The following USP10 variants were observed in gnomAD, a reference collection of about 807,000 sequenced individuals.
USP10 encodes the protein ubiquitin specific peptidase 10.
Under a neutral mutation model 84.5 loss-of-function variants are expected in USP10, and 22 were observed. That is an observed-to-expected ratio of 0.26 (90% CI 0.19 to 0.37). The LOEUF (loss-of-function observed/expected upper bound fraction) is 0.37. Among genes scored for constraint, USP10 ranks in the 10% least tolerant of loss-of-function variants. The pLI is 1.00. For synonymous variants in USP10, 454 were observed against 387.6 expected, an observed-to-expected ratio of 1.17 and a Z score of -2.01; for missense variants, 1,019 against 998.9, an observed-to-expected ratio of 1.02 and a Z score of -0.27.
At chr16:84,703,410 CCA>C (rs1380957030) in intron 1 of USP10, among the ~76,000 whole-genome samples, 1 of 152,180 alleles carries the variant, frequency 6.6e-6, no homozygotes, top group African/African-American at 2.4e-5. Flanking sequence ...TAGACTCACC[CCA>C]GTCTCTTTTT....
intron 2 of USP10, among the ~76,000 whole-genome samples, chr16:84,739,063 T>A (rs1910296027): frequency 1.0e-5 from 1 of 96,284 alleles, no homozygotes; most frequent in Non-Finnish European, 2.5e-5. Context: ...TTCCTAAACC[T>A]TTTTTTTTTT....
At chr16:84,754,239 A>G (rs768574171) in intron 4 of USP10, among the ~76,000 whole-genome samples, 26 of 152,170 alleles carry the variant, frequency 1.7e-4, no homozygotes, top group Non-Finnish European at 3.4e-4. Context: ...TCATTATAAG[A>G]GATTAATAAC....
At chr16:84,702,187 G>C (rs937642247) in intron 1 of USP10, among the ~76,000 whole-genome samples, 2 of 150,772 alleles carry the variant, frequency 1.3e-5, no homozygotes, top group Non-Finnish European at 3.0e-5. Flanking sequence ...CTCCCAAGTA[G>C]CTGGGATTAC....
chr16:84,763,042 T>C lies in USP10; in HGVS notation c.1608T>C (p.His536=), dbSNP rs750334174. 2.5e-6 allele frequency: 4 copies of C among 1,612,826 alleles called. No homozygotes were observed. Among genetic ancestry groups the C allele is most frequent in the African/African-American group, 2.7e-5 (2 of 74,912 alleles). The part of the protein sequence containing the change: ...EYLGFILNGL[H]EEMLNLKKLL... ...TAGGCTTCATTCTAAATGGACTTCATGAGGAAATGTTGAACCTAAAGAAGC... is the reference window on the plus strand; with the variant it reads ...TAGGCTTCATTCTAAATGGACTTCACGAGGAAATGTTGAACCTAAAGAAGC... Residue 536 remains histidine, a synonymous_variant, in exon 9 of 14, where the codon CAT becomes CAC. Coordinates refer to ENST00000219473, the MANE Select transcript of USP10 (RefSeq NM_005153.3).
At chr16:84,763,350 C>T (rs1466540132) in intron 9 of USP10, among the ~76,000 whole-genome samples, 1 of 152,084 alleles carries the variant, frequency 6.6e-6, no homozygotes, top group South Asian at 2.1e-4. Context: ...TTGATGAATA[C>T]CTTTATAATT....
intron 4 of USP10, among the ~76,000 whole-genome samples, chr16:84,746,392 T>A (rs1206172929): frequency 6.6e-6 from 1 of 152,212 alleles, no homozygotes; most frequent in Non-Finnish European, 1.5e-5. Context: ...GAGATGTGCG[T>A]GTTAACATCA....
chr16:84,772,461 C>A lies in USP10; in HGVS notation c.1999-80C>A, dbSNP rs1349851004. ...TTGGGCCTCACCTCTCAGAGGACGT[C>A]TTTGAGCGGAAGGTGGATGTGGTGT... On this transcript the variant is annotated intron_variant, in intron 11 of 13. Transcript: ENST00000219473. 4.4e-6 allele frequency: 7 copies of A among 1,589,794 alleles called. No homozygotes were observed. The African/African-American group carries it at 8.1e-5, about 18-fold the overall frequency.
intron 4 of USP10, among the ~76,000 whole-genome samples, chr16:84,751,765 G>T (rs1911965997): frequency 6.6e-6 from 1 of 152,218 alleles, no homozygotes; most frequent in Non-Finnish European, 1.5e-5. Context: ...AACAACACCA[G>T]AATGTCGATT....
At chr16:84,707,665 G>A (rs138173001) in intron 1 of USP10, among the ~76,000 whole-genome samples, 17 of 152,314 alleles carry the variant, frequency 1.1e-4, no homozygotes, top group African/African-American at 4.1e-4. Context: ...TTTTGCCAGG[G>A]AATGAAGCAG....
At chr16:84,774,710 T>TC (rs779892259) in intron 12 of USP10, among the ~76,000 whole-genome samples, 1 of 152,144 alleles carries the variant, frequency 6.6e-6, no homozygotes, top group Non-Finnish European at 1.5e-5. Flanking sequence ...GACCTCGTGA[T>TC]CGCCCGTCTC....
rs150007084 is a variant in USP10 at position 84,708,307 on chromosome 16, G to A, written c.21+8196G>A. Among the ~76,000 whole-genome samples the A allele has an allele frequency of 5.6e-3, 847 of 152,206 alleles. 6 individuals carry two copies. Among genetic ancestry groups the A allele is most frequent in the South Asian group, 0.03 (142 of 4,806 alleles). On this transcript the variant is annotated intron_variant, in intron 1 of 13. Transcript: ENST00000219473. ...TCTGCTAAAAATACAAAAATTAGCC[G>A]AGTGTGGTGGCGGGCACCTTTAATC...
In USP10 at chr16:84,721,692, C is replaced by CTTTGT. The variant is rs201206784; in HGVS notation, c.22-11724_22-11720dup. Among the ~76,000 whole-genome samples the CTTTGT allele has an allele frequency of 9.4e-3, 1,420 of 151,840 alleles. 20 individuals carry two copies. Among genetic ancestry groups the CTTTGT allele is most frequent in the African/African-American group, 0.032 (1,323 of 41,342 alleles). On this transcript the variant is annotated intron_variant, in intron 1 of 13. Transcript: ENST00000219473. ...TACAGGCATGTGCCACCAAGTCTGG[C>CTTTGT]TTTGTTTTGTTTTGTTTTGTTTTAG...
chr16:84,776,322 G>GGAGTGAGGGCCCA (rs1567657177), intron 13 of USP10, among the ~76,000 whole-genome samples: 3 of 150,872 alleles, frequency 2.0e-5, no homozygotes, highest in African/African-American at 7.3e-5. Flanking sequence ...TGGGGGCCCA[G>GGAGTGAGGGCCCA]GGGTGAGGGC....
intron 1 of USP10, among the ~76,000 whole-genome samples, chr16:84,700,799 A>G (rs1039495317): frequency 1.6e-4 from 25 of 152,246 alleles, no homozygotes; most frequent in African/African-American, 2.9e-4. Flanking sequence ...AACAGTAGCT[A>G]AAGCTTGGGG....
At chr16:84,739,047 C>T (rs531298736) in intron 2 of USP10, among the ~76,000 whole-genome samples, 2 of 151,124 alleles carry the variant, frequency 1.3e-5, no homozygotes, top group African/African-American at 2.4e-5. Flanking sequence ...TACCTTACCC[C>T]TTTTCTTCCT....
chr16:84,753,988 G>C (rs891559461), intron 4 of USP10, among the ~76,000 whole-genome samples: 2 of 152,148 alleles, frequency 1.3e-5, no homozygotes, highest in African/African-American at 2.4e-5. Context: ...CATGCAGCTA[G>C]TAGGGATGGC....
chr16:84,735,124 C>T (rs1255722427), intron 2 of USP10, among the ~76,000 whole-genome samples: 3 of 151,908 alleles, frequency 2.0e-5, no homozygotes, highest in East Asian at 1.9e-4. Context: ...CCCCCCGCCC[C>T]GCCTCAGGGG....
At chr16:84,737,005 G>A (rs986675661) in intron 2 of USP10, among the ~76,000 whole-genome samples, 3 of 152,188 alleles carry the variant, frequency 2.0e-5, no homozygotes, top group African/African-American at 7.2e-5. Context: ...AGCCAGGATG[G>A]TCTTGATCTC....
intron 12 of USP10, among the ~76,000 whole-genome samples, chr16:84,773,762 A>G (rs547050781): frequency 6.6e-6 from 1 of 152,232 alleles, no homozygotes; most frequent in Non-Finnish European, 1.5e-5. Flanking sequence ...ATTTTATTCT[A>G]TCCATCGGGA....
Sources: allele counts gnomAD v4.1 joint callset (sites outside exome capture counted in the v4.1 genomes callset), GRCh38; gene constraint gnomAD v4.1.1; transcripts MANE v1.5; gene names NCBI Gene and HGNC (gene_info 2026-07-23, HGNC 2026-07-21).